Variants in CNTNAP4 observed in about 807,000 individuals in gnomAD.
CNTNAP4 encodes contactin associated protein family member 4.
In CNTNAP4, 98 loss-of-function variants were observed where a neutral mutation model predicts 148.4. The observed-to-expected ratio is 0.66, with a 90% confidence interval of 0.56 to 0.78. The LOEUF is 0.78. CNTNAP4 is among the 30% of genes least tolerant of loss of function. CNTNAP4 has a pLI of 0.00. For missense variants in CNTNAP4, 1,935 were observed against 1,565.6 expected, an observed-to-expected ratio of 1.24 and a Z score of -3.98; for synonymous variants, 730 against 565.1, an observed-to-expected ratio of 1.29 and a Z score of -4.14.
chr16:76,520,471 T>C (rs1156748263), intron 15 of CNTNAP4, among the ~76,000 whole-genome samples: 1 of 152,196 alleles, frequency 6.6e-6, no homozygotes, highest in East Asian at 1.9e-4. Flanking sequence ...TGAACATTTG[T>C]AAACATTTTG....
At chr16:76,303,007 G>T (rs1401405424) in intron 1 of CNTNAP4, among the ~76,000 whole-genome samples, 3 of 152,262 alleles carry the variant, frequency 2.0e-5, no homozygotes, top group Non-Finnish European at 2.9e-5. Context: ...CTTCTGTACT[G>T]AGCTAATGCA....
chr16:76,385,594 T>A (rs547511441), intron 3 of CNTNAP4, among the ~76,000 whole-genome samples: 154 of 151,748 alleles, frequency 1.0e-3, no homozygotes, highest in African/African-American at 3.6e-3. Context: ...AGTGAGTTGA[T>A]TCTCATTATG....
chr16:76,340,801 A>T (rs1964406392), intron 2 of CNTNAP4, among the ~76,000 whole-genome samples: 1 of 152,164 alleles, frequency 6.6e-6, no homozygotes, highest in South Asian at 2.1e-4. Context: ...CAACAACCCC[A>T]AGATTACTCT....
At chr16:76,390,146 G>A (rs2016851794) in intron 3 of CNTNAP4, among the ~76,000 whole-genome samples, 1 of 152,160 alleles carries the variant, frequency 6.6e-6, no homozygotes, top group Non-Finnish European at 1.5e-5. Flanking sequence ...TGAGGACTTA[G>A]CCTTCCTCCC....
chr16:76,540,965 C>T (rs2084427337), intron 21 of CNTNAP4, among the ~76,000 whole-genome samples, 175 bp downstream of exon 21: 2 of 152,098 alleles, frequency 1.3e-5, no homozygotes, highest in South Asian at 4.1e-4. Flanking sequence ...TGAGTAGGGG[C>T]GTCCTGTGTG....
intron 15 of CNTNAP4, among the ~76,000 whole-genome samples, chr16:76,511,556 A>T (rs79058211): frequency 1.8e-3 from 280 of 152,310 alleles, no homozygotes; most frequent in Middle Eastern, 6.8e-3. Context: ...TTCCATTTCA[A>T]CACATAATAA....
chr16:76,522,957 G>A (rs1597053302), intron 17 of CNTNAP4, among the ~76,000 whole-genome samples: 2 of 151,556 alleles, frequency 1.3e-5, no homozygotes, highest in Non-Finnish European at 2.9e-5. Flanking sequence ...TAGAAATGGG[G>A]TTTTGCCATG....
chr16:76,406,920 T>A (rs2078616713), intron 3 of CNTNAP4, among the ~76,000 whole-genome samples: 1 of 152,154 alleles, frequency 6.6e-6, no homozygotes, highest in Non-Finnish European at 1.5e-5. Context: ...CCAGAAGATG[T>A]AGCTAAGATC....
chr16:76,358,879 T>G (rs2013050080), intron 3 of CNTNAP4, among the ~76,000 whole-genome samples: 1 of 151,978 alleles, frequency 6.6e-6, no homozygotes, highest in Non-Finnish European at 1.5e-5. Context: ...TATATGTATG[T>G]GTGTGTATAT....
intron 3 of CNTNAP4, among the ~76,000 whole-genome samples, chr16:76,412,889 A>G (rs887989758): frequency 5.9e-5 from 9 of 151,570 alleles, no homozygotes; most frequent in African/African-American, 1.2e-4. Context: ...TTATCTTCCT[A>G]TAACATTACT....
At chr16:76,529,298 G>A (rs1413872341) in intron 17 of CNTNAP4, among the ~76,000 whole-genome samples, 1 of 152,000 alleles carries the variant, frequency 6.6e-6, no homozygotes, top group Non-Finnish European at 1.5e-5. Flanking sequence ...ATTCAGAACT[G>A]CCTCTTATTG....
chr16:76,320,735 A>G (rs1240660146), intron 2 of CNTNAP4, among the ~76,000 whole-genome samples: 1 of 152,166 alleles, frequency 6.6e-6, no homozygotes, highest in Non-Finnish European at 1.5e-5. Context: ...TAGTACATTT[A>G]GAATCCAGAA....
At chr16:76,364,811 C>G (rs2013911081) in intron 3 of CNTNAP4, among the ~76,000 whole-genome samples, 1 of 152,086 alleles carries the variant, frequency 6.6e-6, no homozygotes, top group African/African-American at 2.4e-5. Flanking sequence ...ATATTTACAA[C>G]TATTCTGTAG....
chr16:76,448,686 A>T (rs2080341462), intron 5 of CNTNAP4, 81 bp from the exon 6 acceptor site: 1 of 997,578 alleles, frequency 1.0e-6, no homozygotes, highest in Non-Finnish European at 1.4e-6. Flanking sequence ...ATTATGAAAG[A>T]TGGTGGTCCA....
At chr16:76,433,174 T>C (rs2079674686) in intron 4 of CNTNAP4, among the ~76,000 whole-genome samples, 1 of 152,100 alleles carries the variant, frequency 6.6e-6, no homozygotes, top group African/African-American at 2.4e-5. Context: ...GGATAAAGAC[T>C]AATAACAACA....
At chr16:76,540,837 C>T in intron 21 of CNTNAP4, 47 bp downstream of exon 21, 3 of 1,303,694 alleles carry the variant, frequency 2.3e-6, no homozygotes, top group Non-Finnish European at 3.2e-6. Context: ...AATCATGATA[C>T]ATAAGCATGG....
intron 6 of CNTNAP4, 29 bp from the exon 7 acceptor site, chr16:76,449,686 A>C (rs557930683): frequency 6.5e-7 from 1 of 1,530,756 alleles, no homozygotes; most frequent in East Asian, 2.4e-5. Flanking sequence ...TCACTAAACA[A>C]TATTATTGAT....
chr16:76,377,536 G>A (rs2015543029), intron 3 of CNTNAP4, among the ~76,000 whole-genome samples: 2 of 152,174 alleles, frequency 1.3e-5, no homozygotes, highest in Admixed American at 1.3e-4. Flanking sequence ...GCAGGGAAGT[G>A]TTGAAGAGGA....
In CNTNAP4 at chr16:76,476,005, C is replaced by T; in HGVS notation, c.1722C>T (p.Asn574=). The T allele has an allele frequency of 9.3e-6, 15 of 1,613,880 alleles. No individual in the cohort carries two copies. Among genetic ancestry groups the T allele is most frequent in the Non-Finnish European group, 1.2e-5 (14 of 1,179,782 alleles). ...CSQSWSTFHC[N]CTNTGYRGAT... ...AGTCCTGGAGCACCTTTCATTGTAA[C>T]TGTACCAACACTGGTTACAGAGGAG... Residue 574 remains asparagine, a synonymous_variant, in exon 11 of 24, where the codon AAC becomes AAT. Coordinates refer to ENST00000611870, the MANE Select transcript of CNTNAP4 (RefSeq NM_033401.5).
Sources: gnomAD v4.1 joint callset for allele counts (sites outside exome capture counted in the v4.1 genomes callset) on GRCh38, gnomAD v4.1.1 for gene constraint, MANE v1.5 for transcripts, NCBI Gene and HGNC (gene_info 2026-07-23, HGNC 2026-07-21) for gene names.